The following SSH2 variants were observed in gnomAD, a reference collection of about 807,000 sequenced individuals.
SSH2 encodes slingshot protein phosphatase 2, also known as protein phosphatase Slingshot homolog 2.
In SSH2, 37 loss-of-function variants were observed where a neutral mutation model predicts 135.2. That is an observed-to-expected ratio of 0.27 (90% CI 0.21 to 0.36). SSH2 has a LOEUF of 0.36. SSH2 is among the 10% of genes least tolerant of loss of function. SSH2 has a pLI of 1.00. For synonymous variants in SSH2, 628 were observed against 646.2 expected, an observed-to-expected ratio of 0.97 and a Z score of 0.43; for missense variants, 1,408 against 1,765.3, an observed-to-expected ratio of 0.80 and a Z score of 3.63.
intron 1 of SSH2, among the ~76,000 whole-genome samples, chr17:29,903,721 A>G (rs1228393663): frequency 1.3e-5 from 2 of 152,180 alleles, no homozygotes; most frequent in Non-Finnish European, 2.9e-5. Context: ...AAGACACTCA[A>G]TTAAGATGTT....
intron 2 of SSH2, among the ~76,000 whole-genome samples, chr17:29,805,160 T>C (rs2042318796): frequency 6.6e-6 from 1 of 150,908 alleles, no homozygotes; most frequent in Non-Finnish European, 1.5e-5. Flanking sequence ...AATATTATTA[T>C]TATTATTATT....
intron 3 of SSH2, among the ~76,000 whole-genome samples, chr17:29,703,959 C>A (rs929995656): frequency 1.3e-5 from 2 of 152,194 alleles, no homozygotes; most frequent in South Asian, 2.1e-4. Context: ...GAGTTTGAAT[C>A]CTGGCTTTAC....
rs189405789 is a variant in SSH2, at chr17:29,652,752, C to G, written c.1080-1952G>C. On this transcript the variant is annotated intron_variant, in intron 12 of 15. Coordinates refer to ENST00000540801, the MANE Select transcript of SSH2 (RefSeq NM_001282129.2). The stretch of plus-strand genomic sequence containing the variant: ...TGGCTCTCTGCAACCTCCGCCTCCC[C>G]GTTCAAGCAATTCTCCTGCCTCAGC... Among the ~76,000 whole-genome samples the G allele has an allele frequency of 1.4e-4, 22 of 152,102 alleles. No individual in the cohort carries two copies. In the East Asian group the frequency reaches 2.9e-3, roughly 20 times the overall value.
At chr17:29,694,692 A>C (rs959833220) in intron 5 of SSH2, among the ~76,000 whole-genome samples, 1 of 152,174 alleles carries the variant, frequency 6.6e-6, no homozygotes, top group African/African-American at 2.4e-5. Flanking sequence ...TGGTAAATTA[A>C]GAACCCATGC....
At position 29,631,164 on chromosome 17, in the gene SSH2, G is replaced by A; in HGVS notation, c.4030C>T (p.Pro1344Ser). The A allele has an allele frequency of 6.2e-7, 1 of 1,614,210 alleles. No individual in the cohort carries two copies. The highest frequency in any genetic ancestry group is 8.5e-7 in the Non-Finnish European group (1 of 1,180,040). ...TCTACAAAAGACTTGGTGGGCTCTG[G>A]GTTGTGGGGGGCACCTGGGTTTTCT... ...SLENPGAPHN[P>S]EPTKSFVEQL... Residue 1344 changes from proline (P) to serine (S), a missense_variant, in exon 16 of 16, where the codon CCA becomes TCA. Coordinates refer to ENST00000540801, the MANE Select transcript of SSH2 (RefSeq NM_001282129.2).
intron 2 of SSH2, among the ~76,000 whole-genome samples, chr17:29,816,386 T>C (rs1450784617): frequency 6.6e-6 from 1 of 152,234 alleles, no homozygotes; most frequent in African/African-American, 2.4e-5. Context: ...TTAAATTTTC[T>C]ATACCCAGAC....
chr17:29,635,700 G>C (rs147472477), intron 15 of SSH2, among the ~76,000 whole-genome samples: 2 of 152,112 alleles, frequency 1.3e-5, no homozygotes, highest in East Asian at 1.9e-4. Flanking sequence ...GAGCCACCGC[G>C]CCTGGTCATC....
intron 9 of SSH2, 65 bp downstream of exon 9, chr17:29,671,870 T>C (rs1176865216): frequency 7.3e-6 from 10 of 1,363,822 alleles, no homozygotes; most frequent in African/African-American, 1.4e-5. Flanking sequence ...GGGAGGAACA[T>C]GCTTCTTATG....
At chr17:29,660,120 G>A (rs2036968819) in intron 11 of SSH2, among the ~76,000 whole-genome samples, 1 of 152,094 alleles carries the variant, frequency 6.6e-6, no homozygotes, top group African/African-American at 2.4e-5. Flanking sequence ...GAGCCACCAC[G>A]CCTGGTCAGG....
In SSH2 at chr17:29,830,085, C is replaced by T. The variant is rs142538093; in HGVS notation, c.144+18764G>A. 1.3e-4 allele frequency among the ~76,000 whole-genome samples: 20 copies of T among 152,152 alleles called. No homozygotes were observed. In the East Asian group the frequency reaches 3.5e-3, roughly 26 times the overall value. ...TGATCTCCTGACCTGGTGACCCTTC[C>T]GCCTCGGCCTCCCAAAGTGCTGGGA... On this transcript the variant is annotated intron_variant, in intron 2 of 15. Transcript: ENST00000540801.
chr17:29,748,285 T>C (rs550116914), intron 3 of SSH2, among the ~76,000 whole-genome samples: 7 of 151,958 alleles, frequency 4.6e-5, no homozygotes, highest in Non-Finnish European at 4.4e-5. Flanking sequence ...AAAACACAAA[T>C]GCATCTTTAT....
At chr17:29,846,882 G>A (rs1216451185) in intron 2 of SSH2, among the ~76,000 whole-genome samples, 1 of 152,154 alleles carries the variant, frequency 6.6e-6, no homozygotes, top group Non-Finnish European at 1.5e-5. Context: ...TTATGGTCAA[G>A]GTTTGTAGAA....
chr17:29,761,237 A>T (rs1396643946), intron 3 of SSH2: 2 of 1,289,474 alleles, frequency 1.6e-6, no homozygotes, highest in Non-Finnish European at 2.0e-6. Flanking sequence ...GGTGCAAGCG[A>T]GGGGCGCCTT....
intron 5 of SSH2, among the ~76,000 whole-genome samples, chr17:29,691,042 T>A (rs1002879416): frequency 6.6e-6 from 1 of 152,078 alleles, no homozygotes; most frequent in African/African-American, 2.4e-5. Flanking sequence ...TTTCTCAGAA[T>A]GTAGAATACA....
At chr17:29,726,200 C>G (rs544915111) in intron 3 of SSH2, among the ~76,000 whole-genome samples, 1 of 152,274 alleles carries the variant, frequency 6.6e-6, no homozygotes, top group African/African-American at 2.4e-5. Context: ...ATTCTGGAGC[C>G]TGGGTAGGCA....
chr17:29,778,588 C>T (rs923473888), intron 3 of SSH2, among the ~76,000 whole-genome samples: 4 of 151,068 alleles, frequency 2.6e-5, no homozygotes, highest in East Asian at 1.9e-4. Flanking sequence ...TGCAGTGAGC[C>T]GAGATCACGC....
At chr17:29,751,227 T>C (rs960120848) in intron 3 of SSH2, among the ~76,000 whole-genome samples, 3 of 152,016 alleles carry the variant, frequency 2.0e-5, no homozygotes, top group African/African-American at 7.3e-5. Context: ...ACCAGCCTGA[T>C]CAACATAGTG....
intron 6 of SSH2, among the ~76,000 whole-genome samples, chr17:29,681,385 A>T (rs1934553353): frequency 6.7e-6 from 1 of 150,356 alleles, no homozygotes; most frequent in Admixed American, 6.6e-5. Flanking sequence ...CGCAACAGGA[A>T]GGAAAGGACT....
chr17:29,766,300 G>A (rs971527823), intron 3 of SSH2, among the ~76,000 whole-genome samples: 6 of 151,306 alleles, frequency 4.0e-5, no homozygotes, highest in African/African-American at 1.5e-4. Flanking sequence ...TTTGAGACCA[G>A]CCTGGGCAAG....
Sources: gnomAD v4.1 joint callset for allele counts (sites outside exome capture counted in the v4.1 genomes callset) on GRCh38, gnomAD v4.1.1 for gene constraint, MANE v1.5 for transcripts, NCBI Gene and HGNC (gene_info 2026-07-23, HGNC 2026-07-21) for gene names.